Variants in KDM4C observed in about 807,000 individuals in gnomAD.
KDM4C encodes the protein lysine demethylase 4C.
KDM4C carries 81 observed loss-of-function variants against 129.3 expected under a neutral mutation model. The observed-to-expected ratio is 0.63, with a 90% CI of 0.52 to 0.75. The LOEUF is 0.75. Ranked by LOEUF, KDM4C falls within the 30% of genes least tolerant of loss-of-function variation. The pLI is 0.00. For synonymous variants in KDM4C, 573 were observed against 456.1 expected, an observed-to-expected ratio of 1.26 and a Z score of -3.26; for missense variants, 1,457 against 1,304.0, an observed-to-expected ratio of 1.12 and a Z score of -1.81.
At chr9:7,091,915 G>C (rs114839428) in intron 17 of KDM4C, among the ~76,000 whole-genome samples, 1 of 152,196 alleles carries the variant, frequency 6.6e-6, no homozygotes, top group East Asian at 1.9e-4. Flanking sequence ...CAGACCCTGG[G>C]CTCAGCACAT....
At chr9:6,956,814 A>G (rs965138130) in intron 8 of KDM4C, among the ~76,000 whole-genome samples, 1 of 152,174 alleles carries the variant, frequency 6.6e-6, no homozygotes, top group African/African-American at 2.4e-5. Flanking sequence ...TTTTGGTAGC[A>G]GAATCTTTCT....
chr9:7,151,734 C>G (rs1327004942), intron 19 of KDM4C, among the ~76,000 whole-genome samples: 1 of 152,102 alleles, frequency 6.6e-6, no homozygotes, highest in African/African-American at 2.4e-5. Flanking sequence ...TGGAGTTTCC[C>G]AGAATGATTA....
At chr9:6,885,536 C>A (rs1039657158) in intron 6 of KDM4C, among the ~76,000 whole-genome samples, 1 of 151,992 alleles carries the variant, frequency 6.6e-6, no homozygotes, top group South Asian at 2.1e-4. Context: ...AGCCTTCCAT[C>A]CCTCTAACTT....
In KDM4C at chr9:7,130,454, C is replaced by T. The variant is rs116317810; in HGVS notation, c.2781+2218C>T. ...ACCCTCCATTTCCTTCCTCTGTGAA[C>T]CAGAACAAATATGATTTTAAGTACA... On this transcript the variant is annotated intron_variant, in intron 19 of 21. Transcript: ENST00000381309. Among the ~76,000 whole-genome samples, 1,108 of 152,292 alleles carry T rather than the reference C, an allele frequency of 7.3e-3. 17 individuals carry two copies. The highest frequency in any genetic ancestry group is 0.026 in the African/African-American group (1,062 of 41,560).
intron 11 of KDM4C, among the ~76,000 whole-genome samples, chr9:6,989,561 A>G (rs1297418897): frequency 6.6e-6 from 1 of 152,232 alleles, no homozygotes; most frequent in Non-Finnish European, 1.5e-5. Context: ...GCATTAATGT[A>G]TCATTAAAAA....
At chr9:6,833,521 C>T (rs562860402) in intron 4 of KDM4C, among the ~76,000 whole-genome samples, 4 of 152,302 alleles carry the variant, frequency 2.6e-5, no homozygotes, top group South Asian at 4.1e-4. Context: ...TTCATTCTCA[C>T]CCTTGAACCC....
At chr9:7,018,848 A>T (rs926256234) in intron 15 of KDM4C, among the ~76,000 whole-genome samples, 10 of 152,082 alleles carry the variant, frequency 6.6e-5, no homozygotes, top group African/African-American at 2.4e-4. Context: ...ATTAATTTTA[A>T]CTCCTTGCCC....
chr9:6,817,002 T>G (rs1832224042), intron 4 of KDM4C, among the ~76,000 whole-genome samples: 1 of 152,182 alleles, frequency 6.6e-6, no homozygotes, highest in South Asian at 2.1e-4. Context: ...TTCTTATTTT[T>G]GAAGATATAT....
chr9:6,776,386 C>T (rs759589166), intron 1 of KDM4C, among the ~76,000 whole-genome samples: 1 of 151,972 alleles, frequency 6.6e-6, no homozygotes, highest in South Asian at 2.1e-4. Context: ...CTCAGCCTCC[C>T]GAGAAGCTGG....
intron 19 of KDM4C, among the ~76,000 whole-genome samples, chr9:7,161,233 G>T (rs1367904758): frequency 6.6e-6 from 1 of 152,150 alleles, no homozygotes; most frequent in Non-Finnish European, 1.5e-5. Flanking sequence ...AGTACAGTCT[G>T]TCAAGGCTTC....
chr9:6,834,992 C>T, intron 4 of KDM4C: 1 of 976,478 alleles, frequency 1.0e-6, no homozygotes, highest in Non-Finnish European at 1.7e-6. Flanking sequence ...GCATCTGGAC[C>T]TGGCTGGCCG....
chr9:7,127,348 A>G (rs1021064233), intron 18 of KDM4C, among the ~76,000 whole-genome samples: 20 of 152,202 alleles, frequency 1.3e-4, no homozygotes, highest in African/African-American at 4.8e-4. Context: ...CAAAATTAAC[A>G]TTATCATTGA....
At chr9:7,081,248 A>G (rs1834491893) in intron 17 of KDM4C, among the ~76,000 whole-genome samples, 1 of 152,168 alleles carries the variant, frequency 6.6e-6, no homozygotes, top group Admixed American at 6.6e-5. Context: ...AGACACGTAG[A>G]TATGGGGTGG....
intron 1 of KDM4C, among the ~76,000 whole-genome samples, chr9:6,732,918 CAGG>C (rs1358902364): frequency 4.6e-5 from 7 of 152,142 alleles, no homozygotes; most frequent in South Asian, 4.1e-4. Flanking sequence ...GAGGCTGAGG[CAGG>C]AGAATAGCTT....
intron 19 of KDM4C, among the ~76,000 whole-genome samples, chr9:7,158,880 A>C (rs1053197155): frequency 1.3e-5 from 2 of 152,134 alleles, no homozygotes; most frequent in South Asian, 4.2e-4. Context: ...AGCTGAGTTC[A>C]AGTCCTGGAT....
chr9:6,827,359 A>C (rs929860965), intron 4 of KDM4C, among the ~76,000 whole-genome samples: 4 of 152,192 alleles, frequency 2.6e-5, no homozygotes, highest in Non-Finnish European at 4.4e-5. Context: ...ATGATAGTGA[A>C]TTTTTGTCAG....
chr9:6,850,485 G>A (rs140324703), intron 5 of KDM4C, among the ~76,000 whole-genome samples: 331 of 151,818 alleles, frequency 2.2e-3, no homozygotes, highest in Non-Finnish European at 3.9e-3. Context: ...TTGCTCTGTC[G>A]CCCAAGCTGG....
intron 17 of KDM4C, among the ~76,000 whole-genome samples, chr9:7,072,057 C>G (rs1833270337): frequency 1.3e-5 from 2 of 152,120 alleles, no homozygotes; most frequent in African/African-American, 4.8e-5. Flanking sequence ...TGACAAAATG[C>G]TTAATGTCAT....
At chr9:6,815,817 G>A (rs78883078) in intron 4 of KDM4C, among the ~76,000 whole-genome samples, 4,229 of 152,242 alleles carry the variant, frequency 0.028, 79 homozygotes, top group Middle Eastern at 0.085. Flanking sequence ...AGCATTATGG[G>A]TAAGGGATAC....
Sources: allele counts gnomAD v4.1 joint callset (sites outside exome capture counted in the v4.1 genomes callset), GRCh38; gene constraint gnomAD v4.1.1; transcripts MANE v1.5; gene names NCBI Gene and HGNC (gene_info 2026-07-23, HGNC 2026-07-21).